Variants in ZNF843 observed in about 807,000 individuals in gnomAD.
The protein encoded by ZNF843 is zinc finger protein 843.
For synonymous variants in ZNF843, 185 were observed against 207.7 expected (o/e 0.89, Z 0.94); for missense variants, 482 against 469.4 (o/e 1.03, Z -0.25).
At chr16:31,438,583 C>CT (rs2082191234) in intron 1 of ZNF843, among the ~76,000 whole-genome samples, 1 of 152,112 alleles carries the variant, frequency 6.6e-6, no homozygotes, top group Non-Finnish European at 1.5e-5. Context: ...TCTCTCTCCC[C>CT]GTTTGTGCTT....
chr16:31,441,417 T>C (rs897635865), intron 1 of ZNF843, among the ~76,000 whole-genome samples: 1 of 152,228 alleles, frequency 6.6e-6, no homozygotes, highest in Admixed American at 6.5e-5. Context: ...TATCCTCAGT[T>C]ACCGCCACAG....
intron 1 of ZNF843, among the ~76,000 whole-genome samples, chr16:31,437,581 C>T (rs2082187958): frequency 6.7e-6 from 1 of 149,470 alleles, no homozygotes. Context: ...GCTGGGATTG[C>T]AAGCATGAGC....
chr16:31,442,023 G>A (rs1014415494), intron 1 of ZNF843, among the ~76,000 whole-genome samples: 1 of 152,234 alleles, frequency 6.6e-6, no homozygotes, highest in African/African-American at 2.4e-5. Context: ...ACTCCGGGAC[G>A]GGGGAGGCGG....
Position 31,435,667 on chromosome 16 carries a change from A to G in ZNF843, c.*136T>C. On this transcript the variant is annotated 3_prime_UTR_variant, in exon 2 of 2. Transcript: ENST00000315678. ...AAAAAAAACAAACAAAATAGCCCCCAGCACTTCTGAGAAAGATCTGCCATA... is the reference window on the plus strand; with the variant it reads ...AAAAAAAACAAACAAAATAGCCCCCGGCACTTCTGAGAAAGATCTGCCATA... The G allele has an allele frequency of 6.2e-6, 5 of 808,240 alleles. No homozygotes were observed. Among genetic ancestry groups the G allele is most frequent in the Non-Finnish European group, 9.0e-6 (5 of 552,878 alleles). 50.1% of individuals were successfully genotyped at this position (808,240 alleles called of 1,614,324 possible). A position where few individuals can be genotyped will look rare whatever the true frequency, so the allele number is the denominator to read the frequency against.
chr16:31,436,626 A>G lies in ZNF843; in HGVS notation c.224T>C (p.Leu75Pro). Residue 75 changes from leucine to proline, a missense_variant, in exon 2 of 2, where the codon CTC becomes CCC. Physicochemically the swap from Leu to Pro is moderately conservative, Grantham distance 98. Coordinates refer to ENST00000315678, the MANE Select transcript of ZNF843 (RefSeq NM_001136509.3). ...SPVRQDLLWPLQPHQAPASPL... is the reference protein window; with the variant it reads ...SPVRQDLLWPPQPHQAPASPL... ...ACTCGCTGGTGCTTGATGAGGTTGGAGCGGCCACAGCAGGTCTTGCCGCAC... is the reference window on the plus strand; with the variant it reads ...ACTCGCTGGTGCTTGATGAGGTTGGGGCGGCCACAGCAGGTCTTGCCGCAC... 6.4e-7 allele frequency: 1 copy of G among 1,551,510 alleles called. No homozygotes were observed. Among genetic ancestry groups the G allele is most frequent in the Non-Finnish European group, 8.7e-7 (1 of 1,146,934 alleles).
rs116708755 is a variant in ZNF843 at position 31,438,000 on chromosome 16, A to G, written c.-335-816T>C. 6.1e-3 allele frequency among the ~76,000 whole-genome samples: 925 copies of G among 152,232 alleles called. 12 individuals are homozygous for G. The highest frequency in any genetic ancestry group is 0.021 in the African/African-American group (875 of 41,530). Reference sequence around the variant, plus strand: ...TATAAGACTTTCAGTAGTCTTGGATATTACCATCTTTATCCTGAATGAAAG... The same window carrying G: ...TATAAGACTTTCAGTAGTCTTGGATGTTACCATCTTTATCCTGAATGAAAG... On this transcript the variant is annotated intron_variant, in intron 1 of 1. Coordinates refer to ENST00000315678, the MANE Select transcript of ZNF843 (RefSeq NM_001136509.3).
intron 1 of ZNF843, among the ~76,000 whole-genome samples, chr16:31,441,834 C>CAAGG (rs1201125051): frequency 1.3e-5 from 2 of 152,188 alleles, no homozygotes; most frequent in Admixed American, 6.5e-5. Context: ...CTGAGGTGTT[C>CAAGG]AAGGCTCTGA....
intron 1 of ZNF843, among the ~76,000 whole-genome samples, chr16:31,438,760 T>A (rs924688695): frequency 6.6e-6 from 1 of 152,118 alleles, no homozygotes; most frequent in African/African-American, 2.4e-5. Flanking sequence ...TTCACTTTTG[T>A]TGGTGGCACC....
chr16:31,442,051 G>T (rs2142885791), intron 1 of ZNF843, among the ~76,000 whole-genome samples: 1 of 152,364 alleles, frequency 6.6e-6, no homozygotes, highest in South Asian at 2.1e-4. Context: ...TTTAAGGCGG[G>T]CCGGGTGTGC....
At position 31,436,973 on chromosome 16, in the gene ZNF843, G is replaced by T; in HGVS notation, c.-124C>A. ...GTGGCCACGAGCTCACAGTCTGGGA[G>T]CAGCACCCGGCCCCAGGCCTCGGGG... On this transcript the variant is annotated 5_prime_UTR_variant, in exon 2 of 2. Coordinates refer to ENST00000315678, the MANE Select transcript of ZNF843 (RefSeq NM_001136509.3). 1 of 907,486 alleles carries T rather than the reference G, an allele frequency of 1.1e-6. No homozygotes were observed. Among genetic ancestry groups the T allele is most frequent in the Non-Finnish European group, 1.7e-6 (1 of 605,638 alleles). The allele number at this position is 907,486 out of a possible 1,614,324, so 56.2% of individuals were successfully genotyped here.
chr16:31,442,794 G>C (rs2082206519), upstream of ZNF843: 1 of 152,230 alleles, frequency 6.6e-6, no homozygotes, highest in South Asian at 2.1e-4. Flanking sequence ...GGACCCGGCA[G>C]CCGCGGGGCC....
Position 31,435,959 on chromosome 16 carries a change from C to G in ZNF843, c.891G>C (p.Gln297His), listed in dbSNP as rs2142881919. The change falls in exon 2 of 2, where the codon CAG becomes CAC. Residue 297 changes from glutamine (Q) to histidine (H), a missense_variant. Physicochemically the swap from Gln to His is conservative, Grantham distance 24. Transcript: ENST00000315678. ...GYPEPARKAS[Q>H]HRAAGPLGEA... ...CGCCGAGCGGTCCGGCCGCTCTGTG[C>G]TGCGAGGCCTTCCGGGCTGGCTCAG... 1 of 1,533,504 alleles carries G rather than the reference C, an allele frequency of 6.5e-7. No individual in the cohort carries two copies. Among genetic ancestry groups the G allele is most frequent in the South Asian group, 1.2e-5 (1 of 81,768 alleles). 95.0% of individuals were successfully genotyped at this position (1,533,504 alleles called of 1,614,324 possible).
chr16:31,436,494 G>A lies in ZNF843; in HGVS notation c.356C>T (p.Ser119Phe). The A allele has an allele frequency of 6.4e-7, 1 of 1,551,650 alleles. No individual in the cohort carries two copies. Among genetic ancestry groups the A allele is most frequent in the South Asian group, 1.2e-5 (1 of 84,032 alleles). ...EHTLAEALRL[S>F]PVPAGFWGPV... ...TCCCCAAAAACCTGCTGGTACTGGG[G>A]ACAGACGCAGGGCTTCGGCCAGTGT... The change falls in exon 2 of 2, where the codon TCC becomes TTC. Residue 119 changes from serine to phenylalanine, a missense_variant. Coordinates refer to ENST00000315678, the MANE Select transcript of ZNF843 (RefSeq NM_001136509.3).
In ZNF843 at chr16:31,436,972, A is replaced by G. The variant is rs1369335815; in HGVS notation, c.-123T>C. ...CGTGGCCACGAGCTCACAGTCTGGG[A>G]GCAGCACCCGGCCCCAGGCCTCGGG... On this transcript the variant is annotated 5_prime_UTR_variant, in exon 2 of 2. Transcript: ENST00000315678. 2 of 936,676 alleles carry G rather than the reference A, an allele frequency of 2.1e-6. No individual in the cohort carries two copies. The highest frequency in any genetic ancestry group is 3.2e-6 in the Non-Finnish European group (2 of 632,352). 58.0% of individuals were successfully genotyped at this position (936,676 alleles called of 1,614,324 possible).
In ZNF843 at chr16:31,437,177, C is replaced by T. The variant is rs1241283054; in HGVS notation, c.-328G>A. ...GAAAGATTTCAGATCCCAGAGCCAT[C>T]ATTCTCTCTAGAGGGAGAGAAAACC... On this transcript the variant is annotated 5_prime_UTR_variant, in exon 2 of 2. The change abolishes an upstream ATG in the 5' untranslated region. Coordinates refer to ENST00000315678, the MANE Select transcript of ZNF843 (RefSeq NM_001136509.3). 1 of 279,192 alleles carries T rather than the reference C, an allele frequency of 3.6e-6. No individual in the cohort carries two copies. Among genetic ancestry groups the T allele is most frequent in the Non-Finnish European group, 7.2e-6 (1 of 139,262 alleles). 17.3% of individuals were successfully genotyped at this position (279,192 alleles called of 1,614,324 possible). A position where few individuals can be genotyped will look rare whatever the true frequency, so the allele number is the denominator to read the frequency against.
At chr16:31,439,357 T>C (rs1312774176) in intron 1 of ZNF843, among the ~76,000 whole-genome samples, 1 of 152,234 alleles carries the variant, frequency 6.6e-6, no homozygotes, top group East Asian at 1.9e-4. Context: ...AAATTAAATG[T>C]ACACTTACCA....
chr16:31,442,128 G>A (rs1318573916), intron 1 of ZNF843, among the ~76,000 whole-genome samples: 2 of 152,182 alleles, frequency 1.3e-5, no homozygotes, highest in East Asian at 1.9e-4. Flanking sequence ...GTGGACGGCC[G>A]GCCGCAAAGG....
chr16:31,436,657 A>G lies in ZNF843; in HGVS notation c.193T>C (p.Ser65Pro). 6.4e-7 allele frequency: 1 copy of G among 1,551,412 alleles called. No individual in the cohort carries two copies. The highest frequency in any genetic ancestry group is 1.2e-5 in the South Asian group (1 of 84,054). ...CACAGCAGGTCTTGCCGCACTGGGG[A>G]CAGCGACAAGGTCTCTCGCCAGTCG... is the stretch of plus-strand genomic sequence containing the variant. ...HSDWRETLSL[S>P]PVRQDLLWPL... The change falls in exon 2 of 2, where the codon TCC becomes CCC. Residue 65 changes from serine to proline, a missense_variant. Physicochemically the swap from Ser to Pro is moderately conservative, Grantham distance 74. Coordinates refer to ENST00000315678, the MANE Select transcript of ZNF843 (RefSeq NM_001136509.3).
chr16:31,437,297 C>CTTTTTTTTTTTTTTTTTTTTTTTTTT (rs59710664), intron 1 of ZNF843, 113 bp from the exon 2 acceptor site: 1 of 82,028 alleles, frequency 1.2e-5, no homozygotes, highest in African/African-American at 5.0e-5. Flanking sequence ...TTCTTTCCTT[C>CTTTTTTTTTTTTTTTTTTTTTTTTTT]TTTTTTTTTT....
Sources: gnomAD v4.1 joint callset for allele counts (sites outside exome capture counted in the v4.1 genomes callset) on GRCh38, gnomAD v4.1.1 for gene constraint, MANE v1.5 for transcripts, NCBI Gene and HGNC (gene_info 2026-07-23, HGNC 2026-07-21) for gene names.